Variants in MYO1D observed in about 807,000 individuals in gnomAD.
MYO1D encodes the protein myosin ID.
A neutral mutation model predicts 122.0 loss-of-function variants in MYO1D; 83 were observed. The observed-to-expected ratio is 0.68, with a 90% CI of 0.57 to 0.82. The LOEUF is 0.82. Ranked by LOEUF, MYO1D falls within the 40% of genes least tolerant of loss-of-function variation. MYO1D has a pLI of 0.00. For synonymous variants in MYO1D, 464 were observed against 446.9 expected (o/e 1.04, Z -0.48); for missense variants, 1,157 against 1,269.5 (o/e 0.91, Z 1.35).
intron 1 of MYO1D, among the ~76,000 whole-genome samples, chr17:32,838,160 T>C (rs1259402141): frequency 1.3e-5 from 2 of 152,140 alleles, no homozygotes; most frequent in Non-Finnish European, 2.9e-5. Flanking sequence ...ACTATATTCT[T>C]AAAATTAAAA....
chr17:32,654,040 T>A, intron 18 of MYO1D, 93 bp from the exon 19 acceptor site: 2 of 973,914 alleles, frequency 2.1e-6, no homozygotes, highest in South Asian at 3.1e-5. Context: ...ACTACACTTA[T>A]ATAGTTTCAC....
chr17:32,611,854 ACT>A (rs2087706604), intron 20 of MYO1D, among the ~76,000 whole-genome samples: 1 of 152,126 alleles, frequency 6.6e-6, no homozygotes, highest in African/African-American at 2.4e-5. Context: ...CAAAAAGAAA[ACT>A]CTATTAATTT....
intron 15 of MYO1D, among the ~76,000 whole-genome samples, chr17:32,720,590 T>C (rs946585286): frequency 1.1e-4 from 16 of 152,208 alleles, no homozygotes; most frequent in African/African-American, 3.9e-4. Context: ...ATTAAATAGC[T>C]ATGATGTACC....
chr17:32,639,435 G>T (rs2088160676), intron 19 of MYO1D, among the ~76,000 whole-genome samples: 1 of 143,554 alleles, frequency 7.0e-6, no homozygotes, highest in Non-Finnish European at 1.5e-5. Flanking sequence ...TTAGACAGAG[G>T]GTCAGAGAAG....
chr17:32,653,433 C>A (rs577317558), intron 19 of MYO1D, among the ~76,000 whole-genome samples: 2 of 151,610 alleles, frequency 1.3e-5, no homozygotes, highest in African/African-American at 4.8e-5. Context: ...ATGGTGAAAC[C>A]CTGTCTCTAC....
intron 1 of MYO1D, among the ~76,000 whole-genome samples, chr17:32,802,626 A>C (rs2090470245): frequency 6.6e-6 from 1 of 152,200 alleles, no homozygotes; most frequent in African/African-American, 2.4e-5. Flanking sequence ...CAAACTTAAA[A>C]GTTGTAAGAA....
intron 21 of MYO1D, chr17:32,504,590 G>C (rs1406244116): frequency 6.6e-6 from 1 of 152,174 alleles, no homozygotes; most frequent in Non-Finnish European, 1.5e-5. Context: ...GAGCTGTTTT[G>C]GCTTTGCTTT....
At chr17:32,761,239 C>T (rs972462178) in intron 8 of MYO1D, among the ~76,000 whole-genome samples, 1 of 152,098 alleles carries the variant, frequency 6.6e-6, no homozygotes, top group African/African-American at 2.4e-5. Context: ...CCTTCCTTAA[C>T]GTCTCCTGCC....
At chr17:32,684,208 G>C (rs1175070380) in intron 16 of MYO1D, 2 of 157,446 alleles carry the variant, frequency 1.3e-5, no homozygotes, top group Non-Finnish European at 2.8e-5. Context: ...CCCGTGTTCT[G>C]CGTAGCTCAC....
intron 21 of MYO1D, among the ~76,000 whole-genome samples, chr17:32,553,094 A>G (rs1458069027): frequency 5.7e-5 from 7 of 122,282 alleles, no homozygotes; most frequent in Non-Finnish European, 9.8e-5. Flanking sequence ...AAAAAAACAA[A>G]AAACAAAACA....
chr17:32,865,186 ATT>A (rs1487132667), intron 1 of MYO1D, among the ~76,000 whole-genome samples: 2 of 152,050 alleles, frequency 1.3e-5, no homozygotes, highest in Non-Finnish European at 2.9e-5. Flanking sequence ...TTTTCATGGG[ATT>A]TGACTTTTAA....
chr17:32,541,309 G>T (rs749779350), intron 21 of MYO1D, among the ~76,000 whole-genome samples: 8 of 152,144 alleles, frequency 5.3e-5, no homozygotes, highest in Admixed American at 2.0e-4. Context: ...AAAATGTTAC[G>T]CCAAGAGGAA....
chr17:32,698,041 C>T (rs555614644), intron 16 of MYO1D, among the ~76,000 whole-genome samples: 3 of 152,228 alleles, frequency 2.0e-5, no homozygotes, highest in Admixed American at 6.5e-5. Flanking sequence ...TGGTGTTTAC[C>T]GTGTGTGACC....
At chr17:32,838,846 T>A (rs2090851806) in intron 1 of MYO1D, among the ~76,000 whole-genome samples, 1 of 152,222 alleles carries the variant, frequency 6.6e-6, no homozygotes, top group Non-Finnish European at 1.5e-5. Flanking sequence ...AACTTTTCTA[T>A]GCTACTTTCA....
At chr17:32,562,994 T>C (rs1268243392) in intron 21 of MYO1D, among the ~76,000 whole-genome samples, 2 of 152,136 alleles carry the variant, frequency 1.3e-5, no homozygotes, top group Non-Finnish European at 2.9e-5. Flanking sequence ...TCAGCAGCAA[T>C]ATATCAATGC....
At chr17:32,625,719 T>TG in intron 20 of MYO1D, among the ~76,000 whole-genome samples, 1 of 152,212 alleles carries the variant, frequency 6.6e-6, no homozygotes, top group East Asian at 1.9e-4. Flanking sequence ...TTTGTAGAGA[T>TG]GGGGTTTCAC....
chr17:32,765,652 G>A (rs2090048330), intron 7 of MYO1D, among the ~76,000 whole-genome samples: 1 of 151,996 alleles, frequency 6.6e-6, no homozygotes, highest in Non-Finnish European at 1.5e-5. Context: ...TAGAGACAGG[G>A]TTTCACCATG....
chr17:32,592,484 C>A (rs186668520), intron 21 of MYO1D, among the ~76,000 whole-genome samples: 1 of 152,208 alleles, frequency 6.6e-6, no homozygotes, highest in East Asian at 1.9e-4. Flanking sequence ...TTACCTAATT[C>A]TTCTATGATT....
intron 19 of MYO1D, among the ~76,000 whole-genome samples, chr17:32,647,864 G>C (rs1445060781): frequency 6.6e-6 from 1 of 152,032 alleles, no homozygotes; most frequent in Non-Finnish European, 1.5e-5. Context: ...TTTCCTTGAT[G>C]ACATTTATTT....
Sources: allele counts gnomAD v4.1 joint callset (sites outside exome capture counted in the v4.1 genomes callset), GRCh38; gene constraint gnomAD v4.1.1; transcripts MANE v1.5; gene names NCBI Gene and HGNC (gene_info 2026-07-23, HGNC 2026-07-21).